Variants in ADGRF5 observed in about 807,000 individuals in gnomAD.
ADGRF5 encodes the protein G-protein coupled receptor 116.
In ADGRF5, 75 loss-of-function variants were observed where a neutral mutation model predicts 132.3. That is an observed-to-expected ratio of 0.57 (90% CI 0.47 to 0.69). The LOEUF (loss-of-function observed/expected upper bound fraction) is 0.69. Among genes scored for constraint, ADGRF5 ranks in the 30% least tolerant of loss-of-function variants. The pLI, the probability that ADGRF5 is intolerant of heterozygous loss-of-function variation, is 0.00. For synonymous variants in ADGRF5, 629 were observed against 597.6 expected, an observed-to-expected ratio of 1.05 and a Z score of -0.77; for missense variants, 1,516 against 1,630.6, an observed-to-expected ratio of 0.93 and a Z score of 1.21.
At chr6:46,860,404 C>A (rs1440139849) in intron 16 of ADGRF5, among the ~76,000 whole-genome samples, 1 of 152,158 alleles carries the variant, frequency 6.6e-6, no homozygotes, top group Admixed American at 6.5e-5. Flanking sequence ...AGTGCTAGAC[C>A]TTTGAGAATA....
At chr6:46,945,697 T>G (rs1009533160) in intron 1 of ADGRF5, among the ~76,000 whole-genome samples, 5 of 152,174 alleles carry the variant, frequency 3.3e-5, no homozygotes, top group African/African-American at 1.2e-4. Context: ...CTTAGGAGGA[T>G]CGTTTACTTG....
chr6:46,889,780 GTA>G (rs34974726), intron 3 of ADGRF5, among the ~76,000 whole-genome samples: 88,316 of 143,024 alleles, frequency 0.62, 27,339 homozygotes, highest in Non-Finnish European at 0.67. Flanking sequence ...ATGTGTGTGT[GTA>G]TATATATATA....
intron 1 of ADGRF5, among the ~76,000 whole-genome samples, chr6:46,916,298 A>T (rs991839826): frequency 3.9e-5 from 6 of 152,128 alleles, no homozygotes; most frequent in African/African-American, 1.4e-4. Flanking sequence ...CTTGAGTGTA[A>T]ATTCAGATCA....
chr6:46,927,845 CACAA>C (rs111634130), intron 1 of ADGRF5, among the ~76,000 whole-genome samples: 6 of 152,254 alleles, frequency 3.9e-5, no homozygotes, highest in African/African-American at 1.4e-4. Flanking sequence ...AGACAACACC[CACAA>C]ACAAAGCTTT....
At chr6:46,938,641 C>A (rs1777936524) in intron 1 of ADGRF5, among the ~76,000 whole-genome samples, 1 of 152,152 alleles carries the variant, frequency 6.6e-6, no homozygotes, top group Non-Finnish European at 1.5e-5. Context: ...GCTTAATCAA[C>A]CCTTTGGGTG....
Position 46,860,753 on chromosome 6 carries a change from A to C in ADGRF5, c.2341T>G (p.Ser781Ala). The C allele has an allele frequency of 6.2e-7, 1 of 1,613,948 alleles. No individual in the cohort carries two copies. Among genetic ancestry groups the C allele is most frequent in the Non-Finnish European group, 8.5e-7 (1 of 1,179,824 alleles). ...GAIINILDLLSTVPTQVNSEM... is the reference protein window; with the variant it reads ...GAIINILDLLATVPTQVNSEM... ...GAATTTACTTGGGTTGGAACTGTTGAGAGCAGATCAAGGATGTTAATAATG... is the reference window on the plus strand; with the variant it reads ...GAATTTACTTGGGTTGGAACTGTTGCGAGCAGATCAAGGATGTTAATAATG... The change falls in exon 16 of 21, where the codon TCA (serine) becomes GCA (alanine). Residue 781 changes from serine to alanine, a missense_variant. Ser to Ala is a moderately conservative substitution (Grantham distance 99, BLOSUM62 1). Coordinates refer to ENST00000283296, the MANE Select transcript of ADGRF5 (RefSeq NM_001098518.2).
intron 1 of ADGRF5, among the ~76,000 whole-genome samples, chr6:46,938,214 A>G (rs1450813559): frequency 6.6e-6 from 1 of 152,186 alleles, no homozygotes; most frequent in Non-Finnish European, 1.5e-5. Context: ...GAAGAATAAC[A>G]TTCCAGGTGC....
At chr6:46,922,470 G>A (rs1453203899), upstream of ADGRF5, among the ~76,000 whole-genome samples, 1 of 152,202 alleles carries the variant, frequency 6.6e-6, no homozygotes, top group African/African-American at 2.4e-5. Context: ...AAATTTAGTG[G>A]TACTTAAAAT....
At chr6:46,887,431 A>G (rs1302749614) in intron 4 of ADGRF5, among the ~76,000 whole-genome samples, 1 of 152,194 alleles carries the variant, frequency 6.6e-6, no homozygotes, top group Admixed American at 6.5e-5. Flanking sequence ...CATAATGCAC[A>G]TTGGCATCCA....
rs111609412 is a variant in ADGRF5, at chr6:46,859,941, C to T, written c.2380-418G>A. Among the ~76,000 whole-genome samples the T allele has an allele frequency of 3.0e-3, 462 of 152,126 alleles. 3 individuals carry two copies. Among genetic ancestry groups the T allele is most frequent in the African/African-American group, 0.011 (436 of 41,480 alleles). On this transcript the variant is annotated intron_variant, in intron 16 of 20. Coordinates refer to ENST00000283296, the MANE Select transcript of ADGRF5 (RefSeq NM_001098518.2). ...CTGATCTCAGGTGATCCATCCGCCT[C>T]GGCCTCCCAAAATGCCTGTAATCCC...
Position 46,882,079 on chromosome 6 carries a change from C to A in ADGRF5, c.641G>T (p.Gly214Val), listed in dbSNP as rs746094396. Residue 214 changes from glycine to valine, a missense_variant, in exon 7 of 21, where the codon GGC becomes GTC. Physicochemically the swap from Gly to Val is moderately radical, Grantham distance 109. Transcript: ENST00000283296. Reference sequence around the variant, plus strand: ...CCCTGTCACAGTCACGCCCTTGAAGCCTGGTAAAATTCCGTAACCCTTCCG... The same window carrying A: ...CCCTGTCACAGTCACGCCCTTGAAGACTGGTAAAATTCCGTAACCCTTCCG... ...AFRKGYGILPGFKGVTVTGFK... is the reference protein window; with the variant it reads ...AFRKGYGILPVFKGVTVTGFK... 4.3e-6 allele frequency: 7 copies of A among 1,611,918 alleles called. No individual in the cohort carries two copies. The highest frequency in any genetic ancestry group is 3.3e-4 in the Middle Eastern group (2 of 6,056).
chr6:46,883,231 T>C (rs2150841351), intron 6 of ADGRF5, among the ~76,000 whole-genome samples: 1 of 152,334 alleles, frequency 6.6e-6, no homozygotes, highest in South Asian at 2.1e-4. Flanking sequence ...TCATGTGATA[T>C]ATGAATAATA....
chr6:46,896,420 A>G (rs1774184863), intron 3 of ADGRF5, among the ~76,000 whole-genome samples: 1 of 152,174 alleles, frequency 6.6e-6, no homozygotes, highest in South Asian at 2.1e-4. Flanking sequence ...CCTATATCAC[A>G]GCATCTGTGC....
At chr6:46,920,112 T>C (rs1415961356) in intron 1 of ADGRF5, among the ~76,000 whole-genome samples, 2 of 152,246 alleles carry the variant, frequency 1.3e-5, no homozygotes, top group East Asian at 3.9e-4. Context: ...AATCTAGCTA[T>C]TATCTATCTA....
intron 1 of ADGRF5, among the ~76,000 whole-genome samples, chr6:46,936,476 G>C (rs538353048): frequency 3.9e-4 from 60 of 152,272 alleles, no homozygotes; most frequent in African/African-American, 1.4e-3. Context: ...TACTATAATA[G>C]TGGCAGTAGG....
chr6:46,855,416 G>T (rs1345652088), intron 20 of ADGRF5, among the ~76,000 whole-genome samples: 1 of 152,200 alleles, frequency 6.6e-6, no homozygotes, highest in African/African-American at 2.4e-5. Context: ...GAGGAAGTGA[G>T]TTCAGAGAGG....
In ADGRF5 at chr6:46,920,906, T is replaced by G. The variant is rs201891825; in HGVS notation, c.-25+807A>C. Reference sequence around the variant, plus strand: ...ATAAAATCTATTTAGAGATATTCTTTTACGATAAGAATATAGTCAAGTATT... The same window carrying G: ...ATAAAATCTATTTAGAGATATTCTTGTACGATAAGAATATAGTCAAGTATT... On this transcript the variant is annotated intron_variant, in intron 1 of 20. Transcript: ENST00000283296. Among the ~76,000 whole-genome samples the G allele has an allele frequency of 7.9e-5, 12 of 152,258 alleles. 1 individual carries two copies. In the East Asian group the frequency reaches 2.3e-3, roughly 29 times the overall value.
chr6:46,863,595 G>A (rs1313033463), intron 14 of ADGRF5, among the ~76,000 whole-genome samples: 1 of 152,102 alleles, frequency 6.6e-6, no homozygotes, highest in Non-Finnish European at 1.5e-5. Flanking sequence ...TGTTCCTTCT[G>A]GTTTCCCTTA....
Position 46,859,211 on chromosome 6 carries a change from C to T in ADGRF5, c.2692G>A (p.Val898Ile), listed in dbSNP as rs377720021. 16 of 1,614,022 alleles carry T rather than the reference C, an allele frequency of 9.9e-6. No homozygotes were observed. The highest frequency in any genetic ancestry group is 1.3e-5 in the Non-Finnish European group (15 of 1,180,004). Reference sequence around the variant, plus strand: ...TGGAGAGTTGGGAAAGCCATGGTGACAATAGACGAATCCGACTGCAAGTTT... The same window carrying T: ...TGGAGAGTTGGGAAAGCCATGGTGATAATAGACGAATCCGACTGCAAGTTT... ...LENLQSDSSIVTMAFPTLQAI... is the reference protein window; with the variant it reads ...LENLQSDSSIITMAFPTLQAI... Residue 898 changes from valine to isoleucine, a missense_variant, in exon 17 of 21, where the codon GTC becomes ATC. Around this residue, in one of 2 missense-constraint regions of ADGRF5, gnomAD observed 571 missense variants for 701.2 expected, o/e 0.81. Transcript: ENST00000283296.
Sources: gnomAD v4.1 joint callset for allele counts (sites outside exome capture counted in the v4.1 genomes callset) on GRCh38, gnomAD v4.1.1 for gene constraint, gnomAD v4.1.1 regional missense constraint, MANE v1.5 for transcripts, NCBI Gene and HGNC (gene_info 2026-07-23, HGNC 2026-07-21) for gene names.